The following ZMAT4 variants were observed in gnomAD, a reference collection of about 807,000 sequenced individuals.
ZMAT4 encodes the protein zinc finger matrin-type protein 4.
Under a neutral mutation model 28.7 loss-of-function variants are expected in ZMAT4, and 17 were observed. The ratio of observed to expected loss-of-function variants is 0.59; its 90% CI spans 0.41 to 0.89. The LOEUF is 0.89. Ranked by LOEUF, ZMAT4 falls within the 40% of genes least tolerant of loss-of-function variation. ZMAT4 has a pLI of 0.00. For synonymous variants in ZMAT4, 117 were observed against 109.2 expected, an observed-to-expected ratio of 1.07 and a Z score of -0.44; for missense variants, 240 against 283.8, an observed-to-expected ratio of 0.85 and a Z score of 1.11.
At position 40,833,540 on chromosome 8, in the gene ZMAT4, C is replaced by CAAAAAAAAAAAAAAAAAAAAA. The variant is rs57458575; in HGVS notation, c.-4-7861_-4-7860insTTTTTTTTTTTTTTTTTTTTT. 6.9e-4 allele frequency among the ~76,000 whole-genome samples: 60 copies of CAAAAAAAAAAAAAAAAAAAAA among 87,046 alleles called. 1 individual carries two copies. The highest frequency in any genetic ancestry group is 1.0e-3 in the Non-Finnish European group (44 of 42,168). The allele number at this position is 87,046 out of a possible 152,430, so 57.1% of individuals were successfully genotyped here. ...CCGAGATCATACCACTACACTCCAGCAAAAAAAAAAAAAAAAAAGACATGA... is the reference window on the plus strand; with the variant it reads ...CCGAGATCATACCACTACACTCCAGCAAAAAAAAAAAAAAAAAAAAAAAAAAAAAAAAAAAAAAAGACATGA... On this transcript the variant is annotated intron_variant, in intron 1 of 6. Coordinates refer to ENST00000297737, the MANE Select transcript of ZMAT4 (RefSeq NM_024645.3).
chr8:40,660,646 T>C (rs1000385140), intron 5 of ZMAT4, among the ~76,000 whole-genome samples: 2 of 152,158 alleles, frequency 1.3e-5, no homozygotes, highest in African/African-American at 2.4e-5. Context: ...GGGTATAGAG[T>C]CATACAAAGG....
At chr8:40,822,495 A>T (rs1251199285) in intron 2 of ZMAT4, among the ~76,000 whole-genome samples, 1 of 152,224 alleles carries the variant, frequency 6.6e-6, no homozygotes, top group Non-Finnish European at 1.5e-5. Flanking sequence ...CCACTCCATA[A>T]GTCACTGCAG....
In ZMAT4 at chr8:40,613,339, T is replaced by C. The variant is rs375946309; in HGVS notation, c.578-32078A>G. ...CTGGGATTACAGGTGCCTGCCACCA[T>C]GCCCGGCTAATATTTTTTGTATTTT... On this transcript the variant is annotated intron_variant, in intron 5 of 6. Transcript: ENST00000297737. Among the ~76,000 whole-genome samples, 527 of 151,638 alleles carry C rather than the reference T, an allele frequency of 3.5e-3. 2 individuals are homozygous for C. The highest frequency in any genetic ancestry group is 5.3e-3 in the Non-Finnish European group (358 of 67,856).
chr8:40,795,664 T>C (rs1814565570), intron 2 of ZMAT4, among the ~76,000 whole-genome samples: 1 of 152,216 alleles, frequency 6.6e-6, no homozygotes, highest in East Asian at 1.9e-4. Flanking sequence ...ACTCAGGATA[T>C]AAACTTTCAA....
chr8:40,588,423 CAATAAT>C (rs1360166623), intron 5 of ZMAT4, among the ~76,000 whole-genome samples: 1 of 151,928 alleles, frequency 6.6e-6, no homozygotes. Flanking sequence ...TCCTACAACT[CAATAAT>C]AAAAATACAA....
chr8:40,882,339 T>A (rs1439300049), intron 1 of ZMAT4, among the ~76,000 whole-genome samples: 1 of 152,188 alleles, frequency 6.6e-6, no homozygotes, highest in Non-Finnish European at 1.5e-5. Flanking sequence ...GAGTTTCCTT[T>A]CCAGGATTTA....
At chr8:40,887,266 A>T (rs754433244) in intron 1 of ZMAT4, among the ~76,000 whole-genome samples, 1 of 151,364 alleles carries the variant, frequency 6.6e-6, no homozygotes, top group South Asian at 2.1e-4. Flanking sequence ...AGGAGGGTGG[A>T]TCACCTGAGG....
chr8:40,821,587 C>G (rs1161105286), intron 2 of ZMAT4, among the ~76,000 whole-genome samples: 2 of 152,082 alleles, frequency 1.3e-5, no homozygotes, highest in Non-Finnish European at 2.9e-5. Context: ...AAAGGTTCAG[C>G]CTTTTAAATG....
intron 5 of ZMAT4, among the ~76,000 whole-genome samples, chr8:40,655,012 A>T (rs1450844625): frequency 8.6e-5 from 13 of 151,406 alleles, no homozygotes; most frequent in Admixed American, 8.6e-4. Flanking sequence ...AAAACTCTCT[A>T]TTGGGAGATA....
At chr8:40,694,994 C>T (rs947944898) in intron 4 of ZMAT4, among the ~76,000 whole-genome samples, 1 of 152,112 alleles carries the variant, frequency 6.6e-6, no homozygotes, top group Non-Finnish European at 1.5e-5. Context: ...TCAGAGAGGC[C>T]AAGAAGAATC....
intron 3 of ZMAT4, among the ~76,000 whole-genome samples, chr8:40,701,500 T>C (rs1213046955): frequency 1.4e-5 from 2 of 146,344 alleles, no homozygotes; most frequent in Non-Finnish European, 3.0e-5. Context: ...TACACAACTA[T>C]GCAGAATTTT....
chr8:40,668,881 T>TG (rs893712727), intron 5 of ZMAT4, among the ~76,000 whole-genome samples: 6 of 149,274 alleles, frequency 4.0e-5, no homozygotes, highest in Non-Finnish European at 8.9e-5. Flanking sequence ...TTTAAAGTGT[T>TG]TTTTTTTTTT....
intron 5 of ZMAT4, among the ~76,000 whole-genome samples, chr8:40,610,360 T>C (rs1037810645): frequency 1.3e-5 from 2 of 152,212 alleles, no homozygotes; most frequent in African/African-American, 4.8e-5. Context: ...AAGCATATCA[T>C]GCCTTAGGTA....
At chr8:40,607,433 A>G (rs1256521147) in intron 5 of ZMAT4, among the ~76,000 whole-genome samples, 1 of 151,928 alleles carries the variant, frequency 6.6e-6, no homozygotes, top group Non-Finnish European at 1.5e-5. Context: ...CCTGGCCTAT[A>G]TCTTGTATCC....
Position 40,599,886 on chromosome 8 carries a change from C to A in ZMAT4, c.578-18625G>T, listed in dbSNP as rs543669451. Among the ~76,000 whole-genome samples the A allele has an allele frequency of 6.4e-4, 97 of 152,332 alleles. 1 individual carries two copies. The highest frequency in any genetic ancestry group is 2.2e-3 in the African/African-American group (92 of 41,582). On this transcript the variant is annotated intron_variant, in intron 5 of 6. Transcript: ENST00000297737. ...TCCCTTCTGTTATCTTTCCTTACCA[C>A]GCACAGTGCCTGAGTCACCCTTTGG...
At chr8:40,683,409 A>G (rs992700045) in intron 4 of ZMAT4, among the ~76,000 whole-genome samples, 1 of 152,240 alleles carries the variant, frequency 6.6e-6, no homozygotes, top group Admixed American at 6.5e-5. Flanking sequence ...AACTCTGTGC[A>G]GAGCTGTCCT....
chr8:40,709,135 G>A (rs1025567548), intron 3 of ZMAT4, among the ~76,000 whole-genome samples: 1 of 152,252 alleles, frequency 6.6e-6, no homozygotes, highest in South Asian at 2.1e-4. Context: ...GCATCCTCCT[G>A]TAGACTTTAA....
At chr8:40,766,812 T>C (rs1813177256) in intron 3 of ZMAT4, among the ~76,000 whole-genome samples, 1 of 152,198 alleles carries the variant, frequency 6.6e-6, no homozygotes, top group Non-Finnish European at 1.5e-5. Context: ...CATGTATTAA[T>C]TTTTAATGAG....
intron 1 of ZMAT4, among the ~76,000 whole-genome samples, chr8:40,888,118 A>G (rs1477054130): frequency 6.6e-6 from 1 of 152,154 alleles, no homozygotes; most frequent in African/African-American, 2.4e-5. Context: ...CCTTGGACCC[A>G]AAGTCATCTC....
Sources: allele counts gnomAD v4.1 joint callset (sites outside exome capture counted in the v4.1 genomes callset), GRCh38; gene constraint gnomAD v4.1.1; transcripts MANE v1.5; gene names NCBI Gene and HGNC (gene_info 2026-07-23, HGNC 2026-07-21).